Variants in IPO11 observed in about 807,000 individuals in gnomAD.
IPO11 encodes the protein importin-11.
In IPO11, 66 loss-of-function variants were observed where a neutral mutation model predicts 143.2. That is an observed-to-expected ratio of 0.46 (90% confidence interval 0.38 to 0.57). The LOEUF (loss-of-function observed/expected upper bound fraction) is 0.57, where lower values mean the gene tolerates loss of function less well. IPO11 is among the 20% of genes least tolerant of loss of function. The pLI, the probability that IPO11 is intolerant of heterozygous loss-of-function variation, is 0.00. For missense variants in IPO11, 1,026 were observed against 1,141.0 expected (o/e 0.90, Z 1.45); for synonymous variants, 385 against 377.8 (o/e 1.02, Z -0.22).
intron 26 of IPO11, among the ~76,000 whole-genome samples, chr5:62,556,669 C>T (rs1258315657): frequency 2.0e-5 from 3 of 151,714 alleles, no homozygotes; most frequent in Non-Finnish European, 4.4e-5. Context: ...GATTCTGTCT[C>T]TAAAAAAAAG....
At chr5:62,620,668 T>C (rs1408772497) in intron 29 of IPO11, among the ~76,000 whole-genome samples, 2 of 152,142 alleles carry the variant, frequency 1.3e-5, no homozygotes, top group African/African-American at 4.8e-5. Context: ...AGAAAAGAAA[T>C]GTCTGGGTTG....
At chr5:62,511,112 G>A (rs1008369402) in intron 19 of IPO11, among the ~76,000 whole-genome samples, 1 of 152,172 alleles carries the variant, frequency 6.6e-6, no homozygotes, top group African/African-American at 2.4e-5. Flanking sequence ...TGACAGCCAA[G>A]ATTGGAATAT....
At chr5:62,617,469 G>A (rs959254654) in intron 29 of IPO11, among the ~76,000 whole-genome samples, 2 of 152,182 alleles carry the variant, frequency 1.3e-5, no homozygotes, top group Non-Finnish European at 2.9e-5. Context: ...GTGCTGGATA[G>A]TGGCACTTTT....
chr5:62,523,849 G>A (rs1311998295), intron 20 of IPO11, among the ~76,000 whole-genome samples: 2 of 152,164 alleles, frequency 1.3e-5, no homozygotes, highest in African/African-American at 4.8e-5. Flanking sequence ...GTGTTCATGG[G>A]ACATGAGAAG....
intron 26 of IPO11, among the ~76,000 whole-genome samples, chr5:62,559,199 C>G (rs1743681974): frequency 6.6e-6 from 1 of 152,046 alleles, no homozygotes. Flanking sequence ...ATGAAGTTTG[C>G]TGCATCAATT....
intron 21 of IPO11, 78 bp from the exon 22 acceptor site, chr5:62,530,630 CT>C: frequency 1.2e-6 from 1 of 812,518 alleles, no homozygotes; most frequent in Non-Finnish European, 2.1e-6. Context: ...TAAATGAGAC[CT>C]TTTAAAATAT....
In IPO11 at chr5:62,581,257, G is replaced by A. The variant is rs147839866; in HGVS notation, c.2583-10320G>A. ...GCAGATTCGACTTCATAAACAAATTGTTCCTGAAAATGAGGCACAGGTCAT... is the reference window on the plus strand; with the variant it reads ...GCAGATTCGACTTCATAAACAAATTATTCCTGAAAATGAGGCACAGGTCAT... On this transcript the variant is annotated intron_variant, in intron 27 of 29. Coordinates refer to ENST00000325324, the MANE Select transcript of IPO11 (RefSeq NM_016338.5). 3.4e-4 allele frequency: 529 copies of A among 1,538,302 alleles called. No homozygotes were observed. The African/African-American group carries it at 6.6e-3, about 19-fold the overall frequency.
rs970738225 is a variant in IPO11 at position 62,593,219 on chromosome 5, G to A, written c.2678+1547G>A. ...CTATATGTTACAGTCTTCAGGGAAGGATAAGGGTTAGGATGTAGGAAGTAG... is the reference window on the plus strand; with the variant it reads ...CTATATGTTACAGTCTTCAGGGAAGAATAAGGGTTAGGATGTAGGAAGTAG... On this transcript the variant is annotated intron_variant, in intron 28 of 29. Coordinates refer to ENST00000325324, the MANE Select transcript of IPO11 (RefSeq NM_016338.5). Among the ~76,000 whole-genome samples the A allele has an allele frequency of 3.9e-5, 6 of 152,302 alleles. No individual in the cohort carries two copies. The South Asian group carries it at 8.3e-4, about 21-fold the overall frequency.
chr5:62,491,735 G>A (rs1029012242), intron 15 of IPO11, among the ~76,000 whole-genome samples: 67 of 147,790 alleles, frequency 4.5e-4, no homozygotes, highest in Non-Finnish European at 7.1e-4. Context: ...GCGCGATCTC[G>A]ACTCACTGCA....
At chr5:62,551,987 G>A (rs1391445347) in intron 26 of IPO11, among the ~76,000 whole-genome samples, 3 of 152,252 alleles carry the variant, frequency 2.0e-5, no homozygotes, top group South Asian at 2.1e-4. Flanking sequence ...AGCCCGGCGC[G>A]GTTGCGGGCA....
intron 3 of IPO11, among the ~76,000 whole-genome samples, chr5:62,447,768 G>A (rs1744771435): frequency 6.8e-6 from 1 of 146,580 alleles, no homozygotes; most frequent in Admixed American, 7.0e-5. Context: ...GTATTTTTTG[G>A]TAGAGACAGG....
chr5:62,576,980 G>A (rs1420055914), intron 27 of IPO11, among the ~76,000 whole-genome samples: 5 of 152,106 alleles, frequency 3.3e-5, no homozygotes, highest in Non-Finnish European at 7.4e-5. Flanking sequence ...AAGAATGAGA[G>A]GAAAACAGCT....
At chr5:62,537,760 GAACT>G (rs1172369978) in intron 24 of IPO11, among the ~76,000 whole-genome samples, 3 of 151,964 alleles carry the variant, frequency 2.0e-5, no homozygotes, top group Non-Finnish European at 4.4e-5. Flanking sequence ...CTGTAATTAT[GAACT>G]AACAGTCTCT....
At chr5:62,458,407 T>C (rs1745237864) in intron 5 of IPO11, among the ~76,000 whole-genome samples, 1 of 152,156 alleles carries the variant, frequency 6.6e-6, no homozygotes, top group South Asian at 2.1e-4. Context: ...TTTAAGTGAT[T>C]GTCCTGCCTC....
intron 17 of IPO11, 50 bp downstream of exon 17, chr5:62,504,750 TTTTAA>T (rs1389331192): frequency 7.3e-7 from 1 of 1,365,672 alleles, no homozygotes; most frequent in Non-Finnish European, 1.0e-6. Flanking sequence ...ACTTTAACAC[TTTTAA>T]TTATTATTTA....
intron 24 of IPO11, among the ~76,000 whole-genome samples, 155 bp from the exon 25 acceptor site, chr5:62,550,212 T>G (rs45560731): frequency 6.6e-6 from 1 of 152,190 alleles, no homozygotes; most frequent in African/African-American, 2.4e-5. Flanking sequence ...CTTGTAAAAG[T>G]GTGTCTAGTG....
chr5:62,604,307 C>G (rs1307795148), intron 29 of IPO11, among the ~76,000 whole-genome samples: 1 of 152,166 alleles, frequency 6.6e-6, no homozygotes, highest in Non-Finnish European at 1.5e-5. Context: ...CTCCCAGGTT[C>G]AAGCAGTAAC....
intron 22 of IPO11, 83 bp downstream of exon 22, chr5:62,530,868 C>G: frequency 9.4e-7 from 1 of 1,059,172 alleles, no homozygotes; most frequent in Non-Finnish European, 1.5e-6. Context: ...GGAGGCATTA[C>G]AACAAAGTTG....
At chr5:62,450,471 G>A (rs1273099999) in intron 4 of IPO11, among the ~76,000 whole-genome samples, 1 of 152,130 alleles carries the variant, frequency 6.6e-6, no homozygotes, top group African/African-American at 2.4e-5. Context: ...TTGCACTGCT[G>A]CTAGTCTCAC....
Sources: allele counts gnomAD v4.1 joint callset (sites outside exome capture counted in the v4.1 genomes callset), GRCh38; gene constraint gnomAD v4.1.1; transcripts MANE v1.5; gene names NCBI Gene and HGNC (gene_info 2026-07-23, HGNC 2026-07-21).